The following PPFIBP2 variants were observed in gnomAD, a reference collection of about 807,000 sequenced individuals.
The protein encoded by PPFIBP2 is liprin-beta-2.
PPFIBP2 carries 118 observed loss-of-function variants against 118.3 expected under a neutral mutation model. That is an observed-to-expected ratio of 1.00 (90% CI 0.86 to 1.16). The LOEUF (loss-of-function observed/expected upper bound fraction) is 1.16, where lower values mean the gene tolerates loss of function less well. Ranked by LOEUF, PPFIBP2 falls within the 50% of genes most tolerant of loss-of-function variation. The pLI is 0.00. For synonymous variants in PPFIBP2, 414 were observed against 397.4 expected, an observed-to-expected ratio of 1.04 and a Z score of -0.50; for missense variants, 1,195 against 1,073.1, an observed-to-expected ratio of 1.11 and a Z score of -1.59.
intron 17 of PPFIBP2, among the ~76,000 whole-genome samples, chr11:7,646,381 G>A (rs1853064650): frequency 6.6e-6 from 1 of 152,192 alleles, no homozygotes; most frequent in Non-Finnish European, 1.5e-5. Context: ...TTCTAAAAAT[G>A]TACGTGACAA....
At chr11:7,598,398 T>G in intron 5 of PPFIBP2, 1 of 159,428 alleles carries the variant, frequency 6.3e-6, no homozygotes, top group South Asian at 1.7e-4. Context: ...TTCCTAAATA[T>G]TTTTACTGTA....
chr11:7,635,614 G>A (rs759203623), intron 14 of PPFIBP2, 21 bp downstream of exon 14: 4 of 1,595,754 alleles, frequency 2.5e-6, no homozygotes, highest in East Asian at 2.2e-5. Context: ...TTCGTGCCCC[G>A]TCGTCTATTT....
rs5789525 is a variant in PPFIBP2, at chr11:7,533,033, G to GTTT, written c.-36-16400_-36-16398dup. ...AGAGAAAACTTACCAATTCATATCT[G>GTTT]TTTTTTTTTGTTGTTGTTGCTTAGC... is the stretch of plus-strand genomic sequence containing the variant. On this transcript the variant is annotated intron_variant, in intron 1 of 23. Transcript: ENST00000299492. 2.0e-3 allele frequency among the ~76,000 whole-genome samples: 298 copies of GTTT among 148,966 alleles called. 3 individuals are homozygous for GTTT. The highest frequency in any genetic ancestry group is 7.0e-3 in the African/African-American group (283 of 40,494).
At position 7,632,903 on chromosome 11, in the gene PPFIBP2, C is replaced by T. The variant is rs1001197041; in HGVS notation, c.1105C>T (p.Pro369Ser). The change falls in exon 12 of 24, where the codon CCT becomes TCT. Residue 369 changes from proline to serine, a missense_variant. Coordinates refer to ENST00000299492, the MANE Select transcript of PPFIBP2 (RefSeq NM_003621.5). ...PRCSSPTVGP[P>S]PLPQKSLETR... ...ATGTAGCTCTCCTACAGTGGGGCCA[C>T]CTCCATTGCCACAGAAATCACTGGA... is the stretch of plus-strand genomic sequence containing the variant. 9.3e-6 allele frequency: 15 copies of T among 1,613,942 alleles called. No individual in the cohort carries two copies. The highest frequency in any genetic ancestry group is 1.3e-5 in the Non-Finnish European group (15 of 1,179,860).
Position 7,597,636 on chromosome 11 carries a change from A to T in PPFIBP2, c.449A>T (p.Gln150Leu). ...CTGGAAGTGTGTCTGGAAGGACACC[A>T]GGTGAAACTCAATGCTGCTGAAGAG... ...RDLEVCLEGH[Q>L]VKLNAAEEML... The change falls in exon 5 of 24, where the codon CAG becomes CTG. Residue 150 changes from glutamine (Q) to leucine (L), a missense_variant. Physicochemically the swap from Gln to Leu is moderately radical, Grantham distance 113. Coordinates refer to ENST00000299492, the MANE Select transcript of PPFIBP2 (RefSeq NM_003621.5). 1 of 1,614,112 alleles carries T rather than the reference A, an allele frequency of 6.2e-7. No homozygotes were observed.
chr11:7,564,130 C>T (rs1373609539), intron 2 of PPFIBP2, among the ~76,000 whole-genome samples: 1 of 151,510 alleles, frequency 6.6e-6, no homozygotes, highest in Non-Finnish European at 1.5e-5. Flanking sequence ...TGCACCACTG[C>T]ACTCCAGCCT....
intron 6 of PPFIBP2, 70 bp downstream of exon 6, chr11:7,610,492 T>C (rs1279039004): frequency 3.8e-6 from 6 of 1,579,096 alleles, no homozygotes; most frequent in Non-Finnish European, 5.2e-6. Flanking sequence ...TTAGGCCATC[T>C]GGTCAACTCC....
At chr11:7,615,733 T>C (rs1174023037) in intron 6 of PPFIBP2, among the ~76,000 whole-genome samples, 2 of 152,224 alleles carry the variant, frequency 1.3e-5, no homozygotes, top group African/African-American at 4.8e-5. Context: ...AACTGGTTTA[T>C]GAAGTAAAAG....
chr11:7,655,644 C>T (rs1328827549), downstream of PPFIBP2: 2 of 616,244 alleles, frequency 3.2e-6, no homozygotes, highest in Non-Finnish European at 2.5e-6. Context: ...CCTGAGCCAG[C>T]CACGAGGCAG....
At chr11:7,564,766 C>A (rs1204065625) in intron 2 of PPFIBP2, among the ~76,000 whole-genome samples, 1 of 152,214 alleles carries the variant, frequency 6.6e-6, no homozygotes, top group East Asian at 1.9e-4. Flanking sequence ...GTGGGGCTGT[C>A]TTTCTAGCCA....
chr11:7,608,422 C>T (rs1273941509), intron 5 of PPFIBP2, among the ~76,000 whole-genome samples: 4 of 152,136 alleles, frequency 2.6e-5, no homozygotes, highest in Non-Finnish European at 4.4e-5. Flanking sequence ...GGGTGAATTA[C>T]TGGAGATCAG....
chr11:7,583,387 A>G (rs1434534296), intron 3 of PPFIBP2, among the ~76,000 whole-genome samples: 1 of 152,198 alleles, frequency 6.6e-6, no homozygotes, highest in Non-Finnish European at 1.5e-5. Context: ...AGACAGTCAC[A>G]GCGCCCACTC....
intron 1 of PPFIBP2, among the ~76,000 whole-genome samples, chr11:7,543,741 A>G (rs1374846040): frequency 6.6e-6 from 1 of 152,200 alleles, no homozygotes; most frequent in Non-Finnish European, 1.5e-5. Context: ...GTTGCTGCCT[A>G]CTTCAAATTT....
chr11:7,541,695 A>G (rs1851799295), intron 1 of PPFIBP2, among the ~76,000 whole-genome samples: 1 of 152,208 alleles, frequency 6.6e-6, no homozygotes, highest in Non-Finnish European at 1.5e-5. Flanking sequence ...TCTCCATCCC[A>G]GACTTCTCTG....
chr11:7,646,385 G>A (rs7130601), intron 17 of PPFIBP2, among the ~76,000 whole-genome samples: 85,575 of 152,082 alleles, frequency 0.56, 24,799 homozygotes, highest in Non-Finnish European at 0.6. Context: ...AAAAATGTAC[G>A]TGACAATACC....
chr11:7,564,266 C>G (rs1564978203), intron 2 of PPFIBP2, among the ~76,000 whole-genome samples: 1 of 152,136 alleles, frequency 6.6e-6, no homozygotes. Context: ...GAAGCACTCT[C>G]TCTCTAGATA....
At chr11:7,651,592 G>C in intron 22 of PPFIBP2, 64 bp from the exon 23 acceptor site, 1 of 1,477,160 alleles carries the variant, frequency 6.8e-7, no homozygotes, top group South Asian at 1.3e-5. Context: ...CAGTCTCTCA[G>C]CATCCTCCCC....
At chr11:7,532,960 G>A (rs535897060) in intron 1 of PPFIBP2, among the ~76,000 whole-genome samples, 1 of 151,996 alleles carries the variant, frequency 6.6e-6, no homozygotes, top group African/African-American at 2.4e-5. Flanking sequence ...AGGGAGGCTC[G>A]TAGGAGGGAG....
chr11:7,545,314 C>T (rs1235666609), intron 1 of PPFIBP2, among the ~76,000 whole-genome samples: 1 of 152,110 alleles, frequency 6.6e-6, no homozygotes, highest in Admixed American at 6.6e-5. Flanking sequence ...CCCATAATCC[C>T]AGCTGCTTAG....
Sources: gnomAD v4.1 joint callset for allele counts (sites outside exome capture counted in the v4.1 genomes callset) on GRCh38, gnomAD v4.1.1 for gene constraint, MANE v1.5 for transcripts, NCBI Gene and HGNC (gene_info 2026-07-23, HGNC 2026-07-21) for gene names.